The following RICTOR variants were observed in gnomAD, a reference collection of about 807,000 sequenced individuals.
The protein encoded by RICTOR is rapamycin-insensitive companion of mTOR.
In RICTOR, 49 loss-of-function variants were observed where a neutral mutation model predicts 214.9. The ratio of observed to expected loss-of-function variants is 0.23; its 90% CI spans 0.18 to 0.29. RICTOR has a LOEUF of 0.29. Among genes scored for constraint, RICTOR ranks in the 10% least tolerant of loss-of-function variants. The pLI, the probability that RICTOR is intolerant of heterozygous loss-of-function variation, is 1.00. For missense variants in RICTOR, 1,625 were observed against 2,047.0 expected, an observed-to-expected ratio of 0.79 and a Z score of 3.98; for synonymous variants, 717 against 711.3, an observed-to-expected ratio of 1.01 and a Z score of -0.13.
intron 3 of RICTOR, among the ~76,000 whole-genome samples, chr5:39,014,032 A>G (rs1754750963): frequency 6.6e-6 from 1 of 152,102 alleles, no homozygotes; most frequent in Non-Finnish European, 1.5e-5. Flanking sequence ...ATTGTGTTAA[A>G]ACTGCCTACA....
intron 2 of RICTOR, among the ~76,000 whole-genome samples, chr5:39,031,077 T>C (rs1008661910): frequency 1.3e-5 from 2 of 152,178 alleles, no homozygotes; most frequent in Non-Finnish European, 2.9e-5. Context: ...TTCACACTCA[T>C]GAGCTCCTTC....
chr5:38,945,179 G>T, intron 34 of RICTOR, 111 bp from the exon 35 acceptor site: 1 of 808,670 alleles, frequency 1.2e-6, no homozygotes, highest in Non-Finnish European at 1.9e-6. Flanking sequence ...CTAATTGTAT[G>T]CAATATACCA....
At position 38,942,223 on chromosome 5, in the gene RICTOR, A is replaced by C. The variant is rs1028816531; in HGVS notation, c.*81T>G. 5.1e-6 allele frequency: 4 copies of C among 781,490 alleles called. No individual in the cohort carries two copies. The East Asian group carries it at 1.1e-4, about 21-fold the overall frequency. 48.4% of individuals were successfully genotyped at this position (781,490 alleles called of 1,614,324 possible). ...ATACTCCTGTCTTTGCTGCCTAGTCAGTCGTATTTTCTGAGGCTTTTAGGA... is the reference window on the plus strand; with the variant it reads ...ATACTCCTGTCTTTGCTGCCTAGTCCGTCGTATTTTCTGAGGCTTTTAGGA... On this transcript the variant is annotated 3_prime_UTR_variant, in exon 38 of 38. Transcript: ENST00000357387.
intron 30 of RICTOR, among the ~76,000 whole-genome samples, chr5:38,951,663 C>T (rs1166630848): frequency 6.6e-6 from 1 of 151,882 alleles, no homozygotes; most frequent in Non-Finnish European, 1.5e-5. Flanking sequence ...AAGAACCATG[C>T]CTTAAATTTT....
chr5:39,060,867 C>T (rs1758495111), intron 2 of RICTOR, among the ~76,000 whole-genome samples: 1 of 151,874 alleles, frequency 6.6e-6, no homozygotes, highest in Admixed American at 6.6e-5. Flanking sequence ...GAATCAGAAA[C>T]AAAGAAAGGC....
intron 14 of RICTOR, 69 bp downstream of exon 14, chr5:38,967,092 C>T (rs964032345): frequency 7.0e-5 from 87 of 1,236,572 alleles, no homozygotes; most frequent in Non-Finnish European, 8.8e-5. Flanking sequence ...TGAGTCACCA[C>T]ACCTGGCATG....
intron 2 of RICTOR, among the ~76,000 whole-genome samples, chr5:39,039,163 A>G (rs1756975255): frequency 6.6e-6 from 1 of 152,222 alleles, no homozygotes; most frequent in Non-Finnish European, 1.5e-5. Flanking sequence ...ATAATGCCAC[A>G]TATCTACAAT....
At chr5:38,942,664 C>T (rs1020229424) in intron 37 of RICTOR, among the ~76,000 whole-genome samples, 169 bp downstream of exon 37, 4 of 151,702 alleles carry the variant, frequency 2.6e-5, no homozygotes, top group African/African-American at 9.7e-5. Flanking sequence ...CTATGTTGCC[C>T]AGGCTGGTCT....
intron 3 of RICTOR, 90 bp from the exon 4 acceptor site, chr5:39,003,712 A>AT: frequency 1.4e-6 from 1 of 694,802 alleles, no homozygotes; most frequent in South Asian, 2.3e-5. Flanking sequence ...AAAATAAGGT[A>AT]TTTTTATGGA....
intron 11 of RICTOR, among the ~76,000 whole-genome samples, chr5:38,968,655 T>C (rs1750438213): frequency 6.6e-6 from 1 of 151,582 alleles, no homozygotes; most frequent in South Asian, 2.1e-4. Context: ...AGAGGATCAC[T>C]TGAGTCGAGG....
At chr5:39,045,365 C>A (rs1230329497) in intron 2 of RICTOR, among the ~76,000 whole-genome samples, 2 of 152,092 alleles carry the variant, frequency 1.3e-5, no homozygotes, top group African/African-American at 4.8e-5. Context: ...CTGAAAAATA[C>A]AGTCTGCAAC....
chr5:39,062,669 C>T (rs917505640), intron 2 of RICTOR, among the ~76,000 whole-genome samples: 1 of 152,042 alleles, frequency 6.6e-6, no homozygotes, highest in Non-Finnish European at 1.5e-5. Flanking sequence ...ACAAGCTGTT[C>T]CTTCTTAGTA....
intron 2 of RICTOR, among the ~76,000 whole-genome samples, chr5:39,063,897 TA>T (rs1225081559): frequency 6.6e-6 from 1 of 151,544 alleles, no homozygotes; most frequent in Non-Finnish European, 1.5e-5. Context: ...TAATTAAGGT[TA>T]AAAAAACGTT....
At chr5:39,005,297 T>G (rs565931223) in intron 3 of RICTOR, among the ~76,000 whole-genome samples, 37 of 152,334 alleles carry the variant, frequency 2.4e-4, no homozygotes, top group African/African-American at 7.9e-4. Context: ...GGTAATTCAA[T>G]TAAATGTATG....
rs1214137104 is a variant in RICTOR at position 38,939,865 on chromosome 5, T to A, written c.*2439A>T. On this transcript the variant is annotated 3_prime_UTR_variant, in exon 38 of 38. Transcript: ENST00000357387. ...CATTCCTAACCTCTTCTGCTATAAT[T>A]TAATATTTTTAAACACTTAAGTTAA... 4.5e-6 allele frequency: 1 copy of A among 224,490 alleles called. No homozygotes were observed. 13.9% of individuals were successfully genotyped at this position (224,490 alleles called of 1,614,324 possible).
chr5:39,042,866 T>C (rs1395898625), intron 2 of RICTOR, among the ~76,000 whole-genome samples: 1 of 152,030 alleles, frequency 6.6e-6, no homozygotes, highest in Non-Finnish European at 1.5e-5. Context: ...TCACCTAAAT[T>C]AGGCTATTAT....
intron 23 of RICTOR, 71 bp from the exon 24 acceptor site, chr5:38,958,590 T>C (rs891699135): frequency 2.5e-5 from 38 of 1,511,656 alleles, no homozygotes; most frequent in Admixed American, 1.8e-4. Flanking sequence ...AAAATGCCTA[T>C]TATATACTTT....
intron 33 of RICTOR, 43 bp downstream of exon 33, chr5:38,946,425 A>T: frequency 8.2e-7 from 1 of 1,222,490 alleles, no homozygotes. Context: ...TTTTCTTTTT[A>T]ATATAAAGAG....
chr5:38,948,292 A>G (rs1748410840), intron 31 of RICTOR, among the ~76,000 whole-genome samples: 1 of 152,176 alleles, frequency 6.6e-6, no homozygotes, highest in South Asian at 2.1e-4. Flanking sequence ...ATTTTGTAAA[A>G]CACACAAAAG....
Sources: allele counts gnomAD v4.1 joint callset (sites outside exome capture counted in the v4.1 genomes callset), GRCh38; gene constraint gnomAD v4.1.1; transcripts MANE v1.5; gene names NCBI Gene and HGNC (gene_info 2026-07-23, HGNC 2026-07-21).